CARD8: variants seen among roughly 807,000 people sequenced by gnomAD.
CARD8 encodes caspase recruitment domain family member 8, also known as caspase recruitment domain-containing protein 8.
In CARD8, 38 loss-of-function variants were observed where a neutral mutation model predicts 53.2. That is an observed-to-expected ratio of 0.71 (90% confidence interval 0.55 to 0.94). The LOEUF (loss-of-function observed/expected upper bound fraction) is 0.94, where lower values mean the gene tolerates loss of function less well. Among genes scored for constraint, CARD8 ranks in the 40% least tolerant of loss-of-function variants. CARD8 has a pLI of 0.00. For synonymous variants in CARD8, 245 were observed against 244.9 expected, an observed-to-expected ratio of 1.00 and a Z score of 0.00; for missense variants, 561 against 655.5, an observed-to-expected ratio of 0.86 and a Z score of 1.57.
chr19:48,240,639 C>T (rs527416785), intron 4 of CARD8, among the ~76,000 whole-genome samples: 1 of 152,024 alleles, frequency 6.6e-6, no homozygotes, highest in Admixed American at 6.6e-5. Context: ...CGTGGTGGTG[C>T]ATGCCTGTAA....
intron 7 of CARD8, among the ~76,000 whole-genome samples, 159 bp downstream of exon 7, chr19:48,232,294 T>C (rs2043050640): frequency 6.6e-6 from 1 of 152,212 alleles, no homozygotes; most frequent in Non-Finnish European, 1.5e-5. Context: ...GTGACAGGCT[T>C]ACATGTCCCC....
Position 48,234,386 on chromosome 19 carries a change from G to T in CARD8, c.350+17C>A. 1 of 1,601,058 alleles carries T rather than the reference G, an allele frequency of 6.2e-7. No homozygotes were observed. The highest frequency in any genetic ancestry group is 8.5e-7 in the Non-Finnish European group (1 of 1,175,112). On this transcript the variant is annotated intron_variant, in intron 6 of 13. Coordinates refer to ENST00000651546, the MANE Select transcript of CARD8 (RefSeq NM_001184900.3). ...ACACAGCGTCCAATAGTTTTCCAAC[G>T]GAATAGCTTTTCTTACCTGGGAATG...
downstream of CARD8, among the ~76,000 whole-genome samples, chr19:48,207,732 C>CTTTTTTTTTTTTT (rs2037420712): frequency 2.2e-5 from 2 of 91,268 alleles, no homozygotes; most frequent in Admixed American, 1.3e-4. Context: ...TGTTGTTTTT[C>CTTTTTTTTTTTTT]TGTTTTTTTT....
chr19:48,223,256 A>G (rs1004485712), intron 10 of CARD8, among the ~76,000 whole-genome samples: 1 of 151,766 alleles, frequency 6.6e-6, no homozygotes, highest in Non-Finnish European at 1.5e-5. Context: ...GTGAGTCGGG[A>G]TCGCACCACT....
intron 3 of CARD8, among the ~76,000 whole-genome samples, chr19:48,245,654 A>G (rs1458507584): frequency 2.0e-5 from 3 of 151,854 alleles, no homozygotes; most frequent in Non-Finnish European, 4.4e-5. Flanking sequence ...TGACCCATAT[A>G]ATGCTTTTAT....
chr19:48,204,070 T>C (rs969210424), downstream of CARD8: 3 of 433,514 alleles, frequency 6.9e-6, no homozygotes, highest in Non-Finnish European at 1.4e-5. Context: ...AGGAGCTCTT[T>C]ACCCGCTGAG....
At chr19:48,227,779 G>C (rs139236434) in intron 10 of CARD8, among the ~76,000 whole-genome samples, 1 of 150,188 alleles carries the variant, frequency 6.7e-6, no homozygotes, top group Non-Finnish European at 1.5e-5. Context: ...CTCCAGCCTG[G>C]GTGAGAGGGC....
chr19:48,219,090 A>G, intron 11 of CARD8, 78 bp from the exon 12 acceptor site: 1 of 1,357,686 alleles, frequency 7.4e-7, no homozygotes, highest in Non-Finnish European at 1.0e-6. Flanking sequence ...TGGCCAATGG[A>G]ACTTAACCCG....
At chr19:48,227,145 G>A (rs1016132496) in intron 10 of CARD8, among the ~76,000 whole-genome samples, 2 of 151,726 alleles carry the variant, frequency 1.3e-5, no homozygotes, top group African/African-American at 4.8e-5. Context: ...ATGAACACTA[G>A]AGTATGGCTT....
At chr19:48,219,501 T>G (rs894619660) in intron 11 of CARD8, among the ~76,000 whole-genome samples, 1 of 152,170 alleles carries the variant, frequency 6.6e-6, no homozygotes, top group African/African-American at 2.4e-5. Context: ...AAGCCCCTTA[T>G]GCAGGACAGA....
At position 48,209,746 on chromosome 19, in the gene CARD8, T is replaced by C. The variant is rs941973777; in HGVS notation, c.*1964A>G. The C allele has an allele frequency of 1.3e-5, 2 of 152,334 alleles. No homozygotes were observed. Among genetic ancestry groups the C allele is most frequent in the African/African-American group, 4.8e-5 (2 of 41,448 alleles). 9.4% of individuals were successfully genotyped at this position (152,334 alleles called of 1,614,324 possible). On this transcript the variant is annotated 3_prime_UTR_variant, in exon 14 of 14. Coordinates refer to ENST00000651546, the MANE Select transcript of CARD8 (RefSeq NM_001184900.3). ...AAAGAATTCCACTATTCATCAAAAT[T>C]TTCATCTATTCTCAAGACTGTTGAT... is the stretch of plus-strand genomic sequence containing the variant.
At chr19:48,225,898 C>CGAAAATTA (rs2041674188) in intron 10 of CARD8, among the ~76,000 whole-genome samples, 1 of 151,890 alleles carries the variant, frequency 6.6e-6, no homozygotes, top group African/African-American at 2.4e-5. Context: ...ACTAAAAATA[C>CGAAAATTA]GAAAATTAGC....
rs2044281155 is a variant in CARD8 at position 48,238,275 on chromosome 19, A to T, written c.209+108T>A. ...AAGAAGAAAAGTAACATATATACTAATTTTTATGCAAATAACCTGCATGTC... is the reference window on the plus strand; with the variant it reads ...AAGAAGAAAAGTAACATATATACTATTTTTTATGCAAATAACCTGCATGTC... On this transcript the variant is annotated intron_variant, in intron 5 of 13. Coordinates refer to ENST00000651546, the MANE Select transcript of CARD8 (RefSeq NM_001184900.3). The T allele has an allele frequency of 1.5e-5, 21 of 1,430,556 alleles. No homozygotes were observed. The East Asian group carries it at 5.2e-4, about 36-fold the overall frequency. 88.6% of individuals were successfully genotyped at this position (1,430,556 alleles called of 1,614,324 possible). A position where few individuals can be genotyped will look rare whatever the true frequency, so the allele number is the denominator to read the frequency against.
chr19:48,216,387 G>A (rs575620277), intron 12 of CARD8, among the ~76,000 whole-genome samples: 2 of 152,270 alleles, frequency 1.3e-5, no homozygotes, highest in Admixed American at 1.3e-4. Context: ...CTAAGAAGTT[G>A]CACAAACAAA....
chr19:48,215,299 C>T, intron 13 of CARD8, 41 bp downstream of exon 13: 5 of 1,479,972 alleles, frequency 3.4e-6, no homozygotes, highest in Non-Finnish European at 4.7e-6. Context: ...CCCTTGATGT[C>T]TCATACATAC....
At chr19:48,205,332 C>T (rs1486771945), downstream of CARD8, among the ~76,000 whole-genome samples, 3 of 152,048 alleles carry the variant, frequency 2.0e-5, no homozygotes, top group Admixed American at 6.6e-5. Flanking sequence ...CGGGTTCAAG[C>T]GATTCTCCTG....
chr19:48,240,688 G>C (rs969771378), intron 4 of CARD8, among the ~76,000 whole-genome samples: 8 of 151,766 alleles, frequency 5.3e-5, no homozygotes, highest in Non-Finnish European at 1.0e-4. Context: ...AGAATCGCTT[G>C]AACCCAGGAG....
At chr19:48,226,448 C>A (rs942236401) in intron 10 of CARD8, among the ~76,000 whole-genome samples, 4 of 152,132 alleles carry the variant, frequency 2.6e-5, no homozygotes, top group Non-Finnish European at 4.4e-5. Flanking sequence ...TGGTCTCGAA[C>A]TCCTGGCCTC....
intron 6 of CARD8, chr19:48,233,500 C>T (rs1031717776): frequency 2.4e-6 from 1 of 420,982 alleles, no homozygotes; most frequent in Non-Finnish European, 4.8e-6. Flanking sequence ...GGCTGACATC[C>T]TAAGACTGGT....
Sources: gnomAD v4.1 joint callset for allele counts (sites outside exome capture counted in the v4.1 genomes callset) on GRCh38, gnomAD v4.1.1 for gene constraint, MANE v1.5 for transcripts, NCBI Gene and HGNC (gene_info 2026-07-23, HGNC 2026-07-21) for gene names.